Variants in HAUS7 observed in about 807,000 individuals in gnomAD.
HAUS7 encodes HAUS augmin-like complex subunit 7.
HAUS7 carries 3 observed loss-of-function variants against 28.4 expected under a neutral mutation model. The ratio of observed to expected loss-of-function variants is 0.11; its 90% CI spans 0.05 to 0.27. The LOEUF is 0.27. HAUS7 is among the 10% of genes least tolerant of loss of function. HAUS7 has a pLI of 1.00. For missense variants in HAUS7, 284 were observed against 297.3 expected, an observed-to-expected ratio of 0.96 and a Z score of 0.33; for synonymous variants, 165 against 132.1, an observed-to-expected ratio of 1.25 and a Z score of -1.71.
At chrX:153,485,938 C>T (rs1386709288) in intron 1 of HAUS7, 19 of 966,729 alleles carry the variant, frequency 2.0e-5, no homozygotes, top group Non-Finnish European at 2.5e-5. Context: ...TGTCCCACAA[C>T]AGGCTGCAGG....
At chrX:153,477,510 G>C (rs1463007459) in intron 1 of HAUS7, among the ~76,000 whole-genome samples, 1 of 113,252 alleles carries the variant, frequency 8.8e-6, no homozygotes, top group Non-Finnish European at 1.9e-5. Flanking sequence ...CTCCTTCTCT[G>C]TTCCTTCTCT....
rs188405304 is a variant in HAUS7 at position 153,458,488 on chromosome X, A to G, written c.355-1260T>C. 3.5e-5 allele frequency among the ~76,000 whole-genome samples: 4 copies of G among 113,004 alleles called. No homozygotes were observed. The East Asian group carries it at 1.1e-3, about 31-fold the overall frequency. ...CTTTTTATTGCTAGTTAGTTTATAC[A>G]TTCACCAGCTGATGGACATTTGGGC... is the stretch of plus-strand genomic sequence containing the variant. On this transcript the variant is annotated intron_variant, in intron 4 of 9. Coordinates refer to ENST00000370211, the MANE Select transcript of HAUS7 (RefSeq NM_001385482.1).
chrX:153,471,302 G>A (rs1467203477), upstream of HAUS7, among the ~76,000 whole-genome samples: 1 of 112,250 alleles, frequency 8.9e-6, no homozygotes, highest in African/African-American at 3.2e-5. Context: ...AATAATTCCT[G>A]TGGAATCCCT....
At chrX:153,474,644 A>T (rs2089549892), upstream of HAUS7, among the ~76,000 whole-genome samples, 1 of 102,929 alleles carries the variant, frequency 9.7e-6, no homozygotes, top group African/African-American at 3.5e-5. Flanking sequence ...GGCCCTGGGG[A>T]CCTTTGGGTT....
At chrX:153,494,030 C>T (rs1391344761) in intron 1 of HAUS7, among the ~76,000 whole-genome samples, 1 of 112,409 alleles carries the variant, frequency 8.9e-6, no homozygotes, top group Admixed American at 9.4e-5. Flanking sequence ...ACTCTTACCC[C>T]TGTGTCTCAG....
intron 4 of HAUS7, among the ~76,000 whole-genome samples, chrX:153,459,619 C>T (rs2089361580): frequency 8.9e-6 from 1 of 111,976 alleles, no homozygotes; most frequent in African/African-American, 3.2e-5. Flanking sequence ...TGGGTGACTG[C>T]TGCTCTCTGT....
At chrX:153,468,051 T>G (rs967158984) in intron 2 of HAUS7, among the ~76,000 whole-genome samples, 1 of 112,213 alleles carries the variant, frequency 8.9e-6, no homozygotes, top group East Asian at 2.8e-4. Flanking sequence ...GGAGCTGCTG[T>G]GCTGAGCCCT....
chrX:153,470,437 G>A lies in HAUS7; in HGVS notation c.108+13C>T. 1 of 1,205,783 alleles carries A rather than the reference G, an allele frequency of 8.3e-7. No homozygotes were observed. The highest frequency in any genetic ancestry group is 1.1e-6 in the Non-Finnish European group (1 of 891,894). On this transcript the variant is annotated intron_variant, in intron 1 of 9. Transcript: ENST00000370211. ...GTCCCCCGCCCTGGAGTGGCTTTCTGGGCCAACAGCACCTTCAGCTTCCCG... is the reference window on the plus strand; with the variant it reads ...GTCCCCCGCCCTGGAGTGGCTTTCTAGGCCAACAGCACCTTCAGCTTCCCG...
At chrX:153,447,934 A>G (rs781958295) in intron 9 of HAUS7, 25 bp from the exon 10 acceptor site, 1 of 1,160,591 alleles carries the variant, frequency 8.6e-7, no homozygotes, top group South Asian at 1.8e-5. Flanking sequence ...AAAGAAACCA[A>G]AAGGATGGTG....
intron 4 of HAUS7, among the ~76,000 whole-genome samples, chrX:153,458,511 G>T (rs1233233384): frequency 8.9e-6 from 1 of 112,581 alleles, no homozygotes. Context: ...TGGACATTTG[G>T]GCTCTTTCCA....
rs782549606 is a variant in HAUS7 at position 153,457,384 on chromosome X, T to G, written c.355-156A>C. Among the ~76,000 whole-genome samples, 34 of 113,170 alleles carry G rather than the reference T, an allele frequency of 3.0e-4. No homozygotes were observed. In the South Asian group the frequency reaches 0.011, roughly 37 times the overall value. ...ACGACCCTGTGCCTGCCCAGCAATGTCTTGGACTAGCAAGTGCTCCCTGCC... is the reference window on the plus strand; with the variant it reads ...ACGACCCTGTGCCTGCCCAGCAATGGCTTGGACTAGCAAGTGCTCCCTGCC... On this transcript the variant is annotated intron_variant, in intron 4 of 9. Coordinates refer to ENST00000370211, the MANE Select transcript of HAUS7 (RefSeq NM_001385482.1).
At chrX:153,492,359 C>T (rs1219138406) in intron 1 of HAUS7, among the ~76,000 whole-genome samples, 1 of 111,580 alleles carries the variant, frequency 9.0e-6, no homozygotes, top group Non-Finnish European at 1.9e-5. Context: ...GACTGAGGTA[C>T]TGCCTGTCTG....
chrX:153,462,368 C>T (rs1258631930), intron 4 of HAUS7: 3 of 170,260 alleles, frequency 1.8e-5, no homozygotes, highest in Non-Finnish European at 2.8e-5. Context: ...CCTCCCTGCA[C>T]GGCTGCCCTC....
At chrX:153,453,701 C>T (rs782451255) in intron 9 of HAUS7, among the ~76,000 whole-genome samples, 6 of 111,048 alleles carry the variant, frequency 5.4e-5, no homozygotes, top group South Asian at 3.8e-4. Context: ...AATGGTGCTG[C>T]GACAAATGTG....
chrX:153,493,094 C>T (rs1383447159), intron 1 of HAUS7, among the ~76,000 whole-genome samples: 1 of 112,397 alleles, frequency 8.9e-6, no homozygotes, highest in Non-Finnish European at 1.9e-5. Context: ...TTTATATGGT[C>T]TATTCACAGA....
chrX:153,456,926 G>A (rs1223077114), intron 5 of HAUS7: 3 of 437,309 alleles, frequency 6.9e-6, no homozygotes, highest in South Asian at 3.5e-5. Context: ...ACTCACCCCC[G>A]GGGCCTTGGG....
upstream of HAUS7, among the ~76,000 whole-genome samples, chrX:153,474,967 C>T (rs2089553156): frequency 9.0e-6 from 1 of 110,960 alleles, no homozygotes; most frequent in Non-Finnish European, 1.9e-5. Context: ...AGCGAGGGCG[C>T]CAGGACGGGA....
At chrX:153,475,484 C>T (rs1409226499), upstream of HAUS7, among the ~76,000 whole-genome samples, 4 of 112,045 alleles carry the variant, frequency 3.6e-5, no homozygotes, top group African/African-American at 1.3e-4. Context: ...TAATTGGGAC[C>T]AGATCCTCTG....
At chrX:153,486,902 G>A in intron 1 of HAUS7, 3 of 779,300 alleles carry the variant, frequency 3.8e-6, no homozygotes, top group Non-Finnish European at 5.1e-6. Flanking sequence ...ACCACTGGGA[G>A]AAAGGTCTAG....
Sources: allele counts gnomAD v4.1 joint callset (sites outside exome capture counted in the v4.1 genomes callset), GRCh38; gene constraint gnomAD v4.1.1; transcripts MANE v1.5; gene names NCBI Gene and HGNC (gene_info 2026-07-23, HGNC 2026-07-21).